CDH12: variants seen among roughly 807,000 people sequenced by gnomAD.
CDH12 encodes the protein cadherin 12.
Under a neutral mutation model 74.1 loss-of-function variants are expected in CDH12, and 41 were observed. The observed-to-expected ratio is 0.55, with a 90% CI of 0.43 to 0.72. CDH12 has a LOEUF of 0.72. Among genes scored for constraint, CDH12 ranks in the 30% least tolerant of loss-of-function variants. The pLI, the probability that CDH12 is intolerant of heterozygous loss-of-function variation, is 0.00. For missense variants in CDH12, 945 were observed against 977.2 expected (o/e 0.97, Z 0.44); for synonymous variants, 399 against 355.0 (o/e 1.12, Z -1.39).
At chr5:22,320,474 T>C (rs533058457) in intron 3 of CDH12, among the ~76,000 whole-genome samples, 2 of 152,190 alleles carry the variant, frequency 1.3e-5, no homozygotes, top group East Asian at 3.9e-4. Context: ...AAGCATGTTA[T>C]AAAATAAAGG....
chr5:22,764,097 T>A, intron 1 of CDH12, among the ~76,000 whole-genome samples: 1 of 151,860 alleles, frequency 6.6e-6, no homozygotes, highest in Non-Finnish European at 1.5e-5. Flanking sequence ...GTTTTTAAAA[T>A]AATTTTATCT....
chr5:22,846,994 T>A (rs1737335476), intron 1 of CDH12, among the ~76,000 whole-genome samples: 1 of 152,208 alleles, frequency 6.6e-6, no homozygotes, highest in African/African-American at 2.4e-5. Context: ...TAAATAGGAA[T>A]TTGCCCTATG....
chr5:22,196,687 T>A (rs1393543667), intron 4 of CDH12, among the ~76,000 whole-genome samples: 1 of 152,174 alleles, frequency 6.6e-6, no homozygotes, highest in Non-Finnish European at 1.5e-5. Flanking sequence ...GCATCAGGAC[T>A]CAAACAACTT....
At chr5:22,488,026 A>C (rs971568875) in intron 2 of CDH12, among the ~76,000 whole-genome samples, 1 of 152,220 alleles carries the variant, frequency 6.6e-6, no homozygotes, top group Non-Finnish European at 1.5e-5. Flanking sequence ...TTAATGGCAA[A>C]AGCAGAAGTC....
intron 2 of CDH12, among the ~76,000 whole-genome samples, chr5:22,442,154 C>T (rs985495493): frequency 6.6e-6 from 1 of 152,054 alleles, no homozygotes; most frequent in African/African-American, 2.4e-5. Flanking sequence ...CTGCGTATAG[C>T]TTTGAGAATT....
At chr5:22,595,194 T>A (rs1214466396) in intron 1 of CDH12, among the ~76,000 whole-genome samples, 1 of 152,202 alleles carries the variant, frequency 6.6e-6, no homozygotes, top group Non-Finnish European at 1.5e-5. Flanking sequence ...GTGTTGGTTC[T>A]CTCTGATGCT....
intron 2 of CDH12, among the ~76,000 whole-genome samples, chr5:22,438,519 C>T (rs576217674): frequency 1.3e-5 from 2 of 152,022 alleles, no homozygotes; most frequent in Non-Finnish European, 2.9e-5. Flanking sequence ...TTTCTCTAGA[C>T]TTACACTGTC....
intron 1 of CDH12, among the ~76,000 whole-genome samples, chr5:22,656,889 G>C (rs185748008): frequency 6.6e-6 from 1 of 152,202 alleles, no homozygotes; most frequent in East Asian, 1.9e-4. Flanking sequence ...TCAGGCTGGA[G>C]TGTGTGACAC....
chr5:22,394,854 T>C (rs1000129846), intron 3 of CDH12, among the ~76,000 whole-genome samples: 3 of 152,148 alleles, frequency 2.0e-5, no homozygotes, highest in Admixed American at 1.3e-4. Context: ...TTTTGGCTTC[T>C]GGGTTAATGA....
At chr5:22,247,041 T>C (rs1752970285) in intron 3 of CDH12, among the ~76,000 whole-genome samples, 1 of 152,174 alleles carries the variant, frequency 6.6e-6, no homozygotes, top group Admixed American at 6.5e-5. Flanking sequence ...TGGACTAAAA[T>C]TGTGTTTTAA....
At chr5:21,883,006 A>G (rs1752439212) in intron 6 of CDH12, 1 of 1,606,964 alleles carries the variant, frequency 6.2e-7, no homozygotes, top group African/African-American at 1.3e-5. Context: ...AATCCAGTGG[A>G]AATCAGGAGA....
At chr5:22,220,479 C>T (rs1751974826) in intron 3 of CDH12, among the ~76,000 whole-genome samples, 1 of 151,696 alleles carries the variant, frequency 6.6e-6, no homozygotes, top group East Asian at 1.9e-4. Context: ...TTTATATATA[C>T]ATTTTTAAAG....
At chr5:22,333,313 C>T (rs528963762) in intron 3 of CDH12, among the ~76,000 whole-genome samples, 29 of 151,794 alleles carry the variant, frequency 1.9e-4, no homozygotes, top group Middle Eastern at 3.4e-3. Context: ...TGGGGCCTCT[C>T]GGGGGGTAGG....
intron 1 of CDH12, among the ~76,000 whole-genome samples, chr5:22,559,331 A>G (rs4597927): frequency 0.16 from 24,298 of 152,040 alleles, 2,527 homozygotes; most frequent in East Asian, 0.37. Flanking sequence ...GAAAGACGGT[A>G]ATTATATATG....
At position 22,086,652 on chromosome 5, in the gene CDH12, C is replaced by T. The variant is rs546254042; in HGVS notation, c.-186-7790G>A. Among the ~76,000 whole-genome samples, 72 of 151,956 alleles carry T rather than the reference C, an allele frequency of 4.7e-4. No individual in the cohort carries two copies. The South Asian group carries it at 5.4e-3, about 11-fold the overall frequency. On this transcript the variant is annotated intron_variant, in intron 4 of 14. Coordinates refer to ENST00000382254, the MANE Select transcript of CDH12 (RefSeq NM_004061.5). The stretch of plus-strand genomic sequence containing the variant: ...GATTACAGGCGTGAGCCACCGTGCC[C>T]GGCCCGAATTTTAACTGATATGAAA...
chr5:22,082,516 C>G (rs1363645447), intron 4 of CDH12, among the ~76,000 whole-genome samples: 1 of 152,130 alleles, frequency 6.6e-6, no homozygotes, highest in African/African-American at 2.4e-5. Flanking sequence ...GTATATGGTG[C>G]AAAATTTCAT....
intron 1 of CDH12, among the ~76,000 whole-genome samples, chr5:22,546,634 G>T (rs1738344790): frequency 6.6e-6 from 1 of 152,054 alleles, no homozygotes; most frequent in Admixed American, 6.6e-5. Context: ...CATACATTGG[G>T]CAATGTTATG....
rs556658565 is a variant in CDH12 at position 21,922,040 on chromosome 5, T to C, written c.526+53051A>G. On this transcript the variant is annotated intron_variant, in intron 6 of 14. Transcript: ENST00000382254. ...TCTTTTACCATGGGGGTGTCCAACA[T>C]TGACAGCTTTGTCAAATAAGGTAGA... Among the ~76,000 whole-genome samples, 4 of 152,304 alleles carry C rather than the reference T, an allele frequency of 2.6e-5. No homozygotes were observed. The East Asian group carries it at 7.7e-4, about 29-fold the overall frequency.
chr5:22,773,544 C>G (rs1467034128), intron 1 of CDH12, among the ~76,000 whole-genome samples: 1 of 152,076 alleles, frequency 6.6e-6, no homozygotes, highest in Non-Finnish European at 1.5e-5. Flanking sequence ...ACTTTAAAAA[C>G]CCTTGAAGAA....
Sources: allele counts gnomAD v4.1 joint callset (sites outside exome capture counted in the v4.1 genomes callset), GRCh38; gene constraint gnomAD v4.1.1; transcripts MANE v1.5; gene names NCBI Gene and HGNC (gene_info 2026-07-23, HGNC 2026-07-21).